AGPS: variants seen among roughly 807,000 people sequenced by gnomAD.
AGPS encodes the protein alkylglycerone phosphate synthase.
AGPS carries 26 observed loss-of-function variants against 90.7 expected under a neutral mutation model. The observed-to-expected ratio is 0.29, with a 90% CI of 0.21 to 0.40. The LOEUF is 0.40. AGPS is among the 10% of genes least tolerant of loss of function. The pLI is 1.00. For synonymous variants in AGPS, 294 were observed against 285.3 expected (o/e 1.03, Z -0.31); for missense variants, 540 against 816.1 (o/e 0.66, Z 4.12).
At chr2:177,507,809 C>G (rs1688757228) in intron 15 of AGPS, among the ~76,000 whole-genome samples, 161 bp from the exon 16 acceptor site, 1 of 152,200 alleles carries the variant, frequency 6.6e-6, no homozygotes, top group African/African-American at 2.4e-5. Flanking sequence ...CATCTCACTC[C>G]AGGGACAACT....
intron 19 of AGPS, among the ~76,000 whole-genome samples, chr2:177,533,383 C>T (rs2079154974): frequency 1.3e-5 from 2 of 151,966 alleles, no homozygotes; most frequent in African/African-American, 2.4e-5. Context: ...TGCTCCCCAC[C>T]CCACCATCCC....
chr2:177,491,425 ATTTC>A (rs1644501850), intron 11 of AGPS, among the ~76,000 whole-genome samples: 1 of 131,910 alleles, frequency 7.6e-6, no homozygotes, highest in African/African-American at 2.9e-5. Context: ...TGTCTGACTA[ATTTC>A]TTTTTTTTTT....
intron 11 of AGPS, among the ~76,000 whole-genome samples, chr2:177,487,285 G>T (rs1055348328): frequency 2.6e-5 from 4 of 151,994 alleles, no homozygotes; most frequent in Non-Finnish European, 5.9e-5. Flanking sequence ...ACTGTATTTG[G>T]TATTGATTAG....
chr2:177,455,184 C>T (rs1402452176), intron 8 of AGPS, among the ~76,000 whole-genome samples: 1 of 152,162 alleles, frequency 6.6e-6, no homozygotes, highest in African/African-American at 2.4e-5. Context: ...TTTCAGTACT[C>T]TGCTGAAGAC....
chr2:177,531,929 G>T (rs950750774), intron 19 of AGPS, among the ~76,000 whole-genome samples: 1 of 151,590 alleles, frequency 6.6e-6, no homozygotes, highest in East Asian at 1.9e-4. Context: ...GGCGGAGGGG[G>T]CGGGGGGAAG....
In AGPS at chr2:177,436,889, G is replaced by A. The variant is rs1259708875; in HGVS notation, c.562+5G>A. ...ATCGAGTATTTAGAGCTCATGGTAA[G>A]TTACTTTATATTAGCCCTATTTATT... On this transcript the variant is annotated splice_donor_5th_base_variant and intron_variant, in intron 4 of 19. Transcript: ENST00000264167. The A allele has an allele frequency of 6.2e-7, 1 of 1,612,566 alleles. No individual in the cohort carries two copies. Among genetic ancestry groups the A allele is most frequent in the Non-Finnish European group, 8.5e-7 (1 of 1,178,958 alleles).
At chr2:177,405,011 G>A (rs760377309) in intron 1 of AGPS, among the ~76,000 whole-genome samples, 3 of 152,190 alleles carry the variant, frequency 2.0e-5, no homozygotes, top group Non-Finnish European at 2.9e-5. Context: ...GAGTACAGGG[G>A]TGCCAAAGAA....
chr2:177,506,282 T>G (rs1559076577), intron 15 of AGPS, among the ~76,000 whole-genome samples: 5 of 151,742 alleles, frequency 3.3e-5, no homozygotes. Context: ...AAAGGTCATT[T>G]TTTCAGATAT....
chr2:177,442,539 T>A, intron 7 of AGPS, 53 bp downstream of exon 7: 1 of 1,381,202 alleles, frequency 7.2e-7, no homozygotes, highest in Non-Finnish European at 1.0e-6. Context: ...GGCTCCACCT[T>A]AATTGTCATT....
chr2:177,464,578 A>G (rs975396545), intron 9 of AGPS, among the ~76,000 whole-genome samples: 16 of 152,236 alleles, frequency 1.1e-4, no homozygotes, highest in Non-Finnish European at 2.4e-4. Context: ...TATACTTTTC[A>G]TCTTAAATTC....
At position 177,450,797 on chromosome 2, in the gene AGPS, G is replaced by T. The variant is rs143221819; in HGVS notation, c.870+5171G>T. Reference sequence around the variant, plus strand: ...TTAAAAAAAGAAAAAGTCCCATTGGGATTTTGATTGGGATTGCATTGACTC... The same window carrying T: ...TTAAAAAAAGAAAAAGTCCCATTGGTATTTTGATTGGGATTGCATTGACTC... On this transcript the variant is annotated intron_variant, in intron 8 of 19. Coordinates refer to ENST00000264167, the MANE Select transcript of AGPS (RefSeq NM_003659.4). Among the ~76,000 whole-genome samples, 575 of 151,742 alleles carry T rather than the reference G, an allele frequency of 3.8e-3. 5 individuals are homozygous for T. Among genetic ancestry groups the T allele is most frequent in the African/African-American group, 0.014 (558 of 41,278 alleles).
chr2:177,446,722 G>T (rs1253424559), intron 8 of AGPS, among the ~76,000 whole-genome samples: 1 of 152,136 alleles, frequency 6.6e-6, no homozygotes, highest in Non-Finnish European at 1.5e-5. Flanking sequence ...CAATAATTTA[G>T]GCAAGAGCTG....
chr2:177,419,833 T>C (rs1437678859), intron 1 of AGPS, among the ~76,000 whole-genome samples: 1 of 151,826 alleles, frequency 6.6e-6, no homozygotes, highest in Non-Finnish European at 1.5e-5. Flanking sequence ...CTTGGTAAAT[T>C]GGTCTTTTTT....
At chr2:177,398,434 A>G (rs1480300214) in intron 1 of AGPS, among the ~76,000 whole-genome samples, 1 of 152,216 alleles carries the variant, frequency 6.6e-6, no homozygotes, top group Non-Finnish European at 1.5e-5. Flanking sequence ...TGTACATTAC[A>G]GTTGAGGAAC....
intron 10 of AGPS, among the ~76,000 whole-genome samples, chr2:177,470,710 CAAAAAAAAAA>C (rs369412625): frequency 1.8e-5 from 2 of 108,666 alleles, no homozygotes; most frequent in Admixed American, 1.0e-4. Context: ...GACTTTGTCT[CAAAAAAAAAA>C]AAAAAGAAAA....
chr2:177,464,623 A>G (rs944102846), intron 9 of AGPS, among the ~76,000 whole-genome samples: 4 of 152,236 alleles, frequency 2.6e-5, no homozygotes, highest in Admixed American at 2.0e-4. Flanking sequence ...ATTTTAAGGA[A>G]TTCCAACTAT....
intron 11 of AGPS, among the ~76,000 whole-genome samples, chr2:177,487,150 G>A (rs1688119626): frequency 6.6e-6 from 1 of 151,948 alleles, no homozygotes; most frequent in South Asian, 2.1e-4. Flanking sequence ...AAGGAAAACC[G>A]AGTGTTAAAA....
At chr2:177,524,302 G>A (rs774294481) in intron 19 of AGPS, among the ~76,000 whole-genome samples, 27 of 152,126 alleles carry the variant, frequency 1.8e-4, no homozygotes, top group Non-Finnish European at 3.1e-4. Flanking sequence ...TTATTACTTA[G>A]TGGTCATTTT....
At chr2:177,509,634 C>T (rs1341722005) in intron 16 of AGPS, among the ~76,000 whole-genome samples, 3 of 147,630 alleles carry the variant, frequency 2.0e-5, no homozygotes, top group African/African-American at 7.5e-5. Context: ...TCACTGCACT[C>T]CAGCCTGGGC....
Sources: gnomAD v4.1 joint callset for allele counts (sites outside exome capture counted in the v4.1 genomes callset) on GRCh38, gnomAD v4.1.1 for gene constraint, MANE v1.5 for transcripts, NCBI Gene and HGNC (gene_info 2026-07-23, HGNC 2026-07-21) for gene names.